The following GLI3 variants were observed in gnomAD, a reference collection of about 807,000 sequenced individuals.
GLI3 encodes transcription activator GLI3.
A neutral mutation model predicts 100.8 loss-of-function variants in GLI3; 20 were observed. The observed-to-expected ratio is 0.20, with a 90% CI of 0.14 to 0.29. GLI3 has a LOEUF of 0.29. Among genes scored for constraint, GLI3 ranks in the 10% least tolerant of loss-of-function variants. The pLI, the probability that GLI3 is intolerant of heterozygous loss-of-function variation, is 1.00. For missense variants in GLI3, 2,040 were observed against 2,128.5 expected (o/e 0.96, Z 0.82); for synonymous variants, 938 against 860.5 (o/e 1.09, Z -1.58).
chr7:42,200,638 T>C (rs983579391), intron 2 of GLI3, among the ~76,000 whole-genome samples: 4 of 152,158 alleles, frequency 2.6e-5, no homozygotes, highest in African/African-American at 9.7e-5. Context: ...CAAAAACAGT[T>C]TTCTTGTGTC....
intron 4 of GLI3, among the ~76,000 whole-genome samples, chr7:42,068,997 A>T (rs1238925089): frequency 2.6e-5 from 4 of 152,150 alleles, no homozygotes; most frequent in African/African-American, 9.7e-5. Context: ...GAAGCATTGT[A>T]CTCAAAGAAA....
intron 3 of GLI3, among the ~76,000 whole-genome samples, chr7:42,125,190 G>A (rs1786095345): frequency 6.6e-6 from 1 of 152,208 alleles, no homozygotes; most frequent in East Asian, 1.9e-4. Context: ...GTATTTGTAA[G>A]TACCAACAAC....
At chr7:42,263,214 C>T (rs980629722) in intron 1 of GLI3, among the ~76,000 whole-genome samples, 2 of 152,150 alleles carry the variant, frequency 1.3e-5, no homozygotes, top group African/African-American at 4.8e-5. Context: ...AGCAAAGGCT[C>T]TTTCCTGGCT....
intron 10 of GLI3, among the ~76,000 whole-genome samples, chr7:41,982,938 T>A (rs1038923279): frequency 4.6e-5 from 7 of 152,206 alleles, no homozygotes; most frequent in Non-Finnish European, 8.8e-5. Flanking sequence ...CTGTAAAAGC[T>A]AGATAGTAAA....
chr7:42,080,880 C>T (rs1784983345), intron 3 of GLI3, among the ~76,000 whole-genome samples: 1 of 152,098 alleles, frequency 6.6e-6, no homozygotes, highest in Admixed American at 6.5e-5. Context: ...CCCTTGTCGC[C>T]AGAGCCGCCA....
chr7:42,165,280 C>T (rs935967656), intron 2 of GLI3, among the ~76,000 whole-genome samples: 2 of 152,106 alleles, frequency 1.3e-5, no homozygotes, highest in Admixed American at 1.3e-4. Flanking sequence ...AGTGTCCCTG[C>T]ATCCCTACTA....
rs376490584 is a variant in GLI3 at position 42,082,871 on chromosome 7, C to T, written c.368-6014G>A. Among the ~76,000 whole-genome samples the T allele has an allele frequency of 2.3e-4, 35 of 151,862 alleles. No individual in the cohort carries two copies. In the East Asian group the frequency reaches 3.3e-3, roughly 14 times the overall value. On this transcript the variant is annotated intron_variant, in intron 3 of 14. Transcript: ENST00000395925. ...AAACTGCAAACTATCACATGTGGGCCGGTTTTTGTAAATAAAGTTATGTTT... is the reference window on the plus strand; with the variant it reads ...AAACTGCAAACTATCACATGTGGGCTGGTTTTTGTAAATAAAGTTATGTTT...
In GLI3 at chr7:42,048,535, G is replaced by A. The variant is rs767323852; in HGVS notation, c.635C>T (p.Ser212Leu). ...ACGGGTTGCTGAGATCATGGAGAGC[G>A]ATGGGCTGCTGTGCAAGGAGCGGAT... ...DYIRSLHSSPSLSMISATRGL... is the reference protein window; with the variant it reads ...DYIRSLHSSPLLSMISATRGL... The change falls in exon 5 of 15, where the codon TCG becomes TTG. Residue 212 changes from serine (S) to leucine (L), a missense_variant. Physicochemically the swap from Ser to Leu is moderately radical, Grantham distance 145 (BLOSUM62 -2). Transcript: ENST00000395925. The A allele has an allele frequency of 8.7e-6, 14 of 1,613,366 alleles. No individual in the cohort carries two copies. The highest frequency in any genetic ancestry group is 1.0e-5 in the Non-Finnish European group (12 of 1,179,756).
At chr7:42,024,792 G>T (rs1170761139) in intron 9 of GLI3, among the ~76,000 whole-genome samples, 1 of 152,090 alleles carries the variant, frequency 6.6e-6, no homozygotes, top group Non-Finnish European at 1.5e-5. Context: ...ATCCCTTCTG[G>T]TTCGCCAGGC....
chr7:42,218,675 G>T (rs924616753), intron 2 of GLI3, among the ~76,000 whole-genome samples: 1 of 152,044 alleles, frequency 6.6e-6, no homozygotes, highest in Non-Finnish European at 1.5e-5. Flanking sequence ...GAATCAAAGT[G>T]AACAGGGAAC....
intron 2 of GLI3, among the ~76,000 whole-genome samples, chr7:42,184,767 A>G (rs1787686295): frequency 6.6e-6 from 1 of 152,024 alleles, no homozygotes; most frequent in Non-Finnish European, 1.5e-5. Flanking sequence ...CCCAGGAATT[A>G]TTAGATCAAT....
chr7:41,987,475 T>C (rs188890406), intron 10 of GLI3, among the ~76,000 whole-genome samples: 10 of 152,228 alleles, frequency 6.6e-5, no homozygotes, highest in Admixed American at 6.5e-4. Context: ...CTGTGGAACA[T>C]ATTTTTATGA....
At chr7:42,075,443 GT>G (rs10707822) in intron 4 of GLI3, among the ~76,000 whole-genome samples, 12,441 of 152,162 alleles carry the variant, frequency 0.082, 1,045 homozygotes, top group African/African-American at 0.22. Context: ...TAAAACCTCT[GT>G]ATAATGGGGT....
chr7:42,040,243 T>A lies in GLI3; in HGVS notation c.827-4A>T. 1.2e-6 allele frequency: 2 copies of A among 1,609,916 alleles called. No individual in the cohort carries two copies. The highest frequency in any genetic ancestry group is 2.2e-5 in the South Asian group (2 of 90,978). On this transcript the variant is annotated splice_polypyrimidine_tract_variant and splice_region_variant and intron_variant, in intron 6 of 14. Coordinates refer to ENST00000395925, the MANE Select transcript of GLI3 (RefSeq NM_000168.6). ...CTGGGGCTGGAGAATCTGGTGCCTGTTATATAAACAAAAAAGAACCTAATT... is the reference window on the plus strand; with the variant it reads ...CTGGGGCTGGAGAATCTGGTGCCTGATATATAAACAAAAAAGAACCTAATT...
At chr7:42,120,680 A>C (rs1028183877) in intron 3 of GLI3, among the ~76,000 whole-genome samples, 1 of 152,194 alleles carries the variant, frequency 6.6e-6, no homozygotes, top group African/African-American at 2.4e-5. Context: ...GAATATAAGG[A>C]AGAAGCTGAA....
In GLI3 at chr7:42,204,552, C is replaced by T. The variant is rs56070980; in HGVS notation, c.124+18578G>A. Among the ~76,000 whole-genome samples the T allele has an allele frequency of 7.4e-3, 1,124 of 152,270 alleles. 6 individuals are homozygous for T. Among genetic ancestry groups the T allele is most frequent in the Non-Finnish European group, 0.011 (766 of 68,028 alleles). The stretch of plus-strand genomic sequence containing the variant: ...ACAGCAGGCCCCACATTTTGTTATC[C>T]TCACAATCAAATAAAGTGCCTGGCA... On this transcript the variant is annotated intron_variant, in intron 2 of 14. Transcript: ENST00000395925.
At chr7:42,031,825 G>A (rs17640329) in intron 7 of GLI3, among the ~76,000 whole-genome samples, 28,105 of 151,972 alleles carry the variant, frequency 0.18, 3,186 homozygotes, top group Non-Finnish European at 0.26. Flanking sequence ...TCTGAGCTCA[G>A]TTAAAAGTGA....
intron 2 of GLI3, among the ~76,000 whole-genome samples, chr7:42,174,748 A>G (rs1787445215): frequency 6.6e-6 from 1 of 152,194 alleles, no homozygotes; most frequent in Non-Finnish European, 1.5e-5. Flanking sequence ...AGGGCCGCAC[A>G]GAGGGTGACG....
chr7:41,975,110 A>T (rs1435006993), intron 12 of GLI3, among the ~76,000 whole-genome samples: 1 of 152,200 alleles, frequency 6.6e-6, no homozygotes, highest in Non-Finnish European at 1.5e-5. Flanking sequence ...CTTTGGGGGA[A>T]AAATGAGCTG....
Sources: allele counts gnomAD v4.1 joint callset (sites outside exome capture counted in the v4.1 genomes callset), GRCh38; gene constraint gnomAD v4.1.1; transcripts MANE v1.5; gene names NCBI Gene and HGNC (gene_info 2026-07-23, HGNC 2026-07-21).